Variants in RAPGEFL1 observed in about 807,000 individuals in gnomAD.
The protein encoded by RAPGEFL1 is Rap guanine nucleotide exchange factor like 1.
In RAPGEFL1, 31 loss-of-function variants were observed where a neutral mutation model predicts 64.4. The observed-to-expected ratio is 0.48, with a 90% CI of 0.36 to 0.65. RAPGEFL1 has a LOEUF of 0.65. Ranked by LOEUF, RAPGEFL1 falls within the 30% of genes least tolerant of loss-of-function variation. RAPGEFL1 has a pLI of 0.00. For missense variants in RAPGEFL1, 682 were observed against 677.4 expected, an observed-to-expected ratio of 1.01 and a Z score of -0.08; for synonymous variants, 331 against 274.1, an observed-to-expected ratio of 1.21 and a Z score of -2.05.
In RAPGEFL1 at chr17:40,184,280, G is replaced by T. The variant is rs971456968; in HGVS notation, c.666G>T (p.Met222Ile). ...GCCGGAAGCAAGCCTGTCTAGCCAT[G>T]CTTCTCCATTTCTTGGACACCTACC... Reference protein sequence around the residue: ...GLGRKQACLAMLLHFLDTYQG... With the variant: ...GLGRKQACLAILLHFLDTYQG... Residue 222 changes from methionine (M) to isoleucine (I), a missense_variant, in exon 3 of 15, where the codon ATG becomes ATT. Met to Ile is a conservative substitution (Grantham distance 10, BLOSUM62 1). Around this residue, in one of 2 missense-constraint regions of RAPGEFL1, gnomAD observed 271 missense variants for 158.0 expected, o/e 1.72. Transcript: ENST00000620260. The T allele has an allele frequency of 1.2e-6, 2 of 1,613,788 alleles. No individual in the cohort carries two copies. The highest frequency in any genetic ancestry group is 1.7e-6 in the Non-Finnish European group (2 of 1,179,960).
intron 11 of RAPGEFL1, 53 bp from the exon 12 acceptor site, chr17:40,192,553 T>G (rs1990312106): frequency 1.4e-6 from 2 of 1,458,122 alleles, no homozygotes; most frequent in African/African-American, 2.8e-5. Flanking sequence ...TGAGGACATC[T>G]TTGGGATGCA....
In RAPGEFL1 at chr17:40,177,851, C is replaced by CGG. The variant is rs371861120; in HGVS notation, c.-3_-2dup. On this transcript the variant is annotated 5_prime_UTR_variant, in exon 1 of 15. Coordinates refer to ENST00000620260, the MANE Select transcript of RAPGEFL1 (RefSeq NM_016339.6). ...CCCCCGGCGACCCCTAGGAGAGGGG[C>CGG]GGGGGGGGGCATGAAGCCGCTGGAG... is the stretch of plus-strand genomic sequence containing the variant. The CGG allele has an allele frequency of 1.7e-4, 69 of 412,802 alleles. No homozygotes were observed. Among genetic ancestry groups the CGG allele is most frequent in the African/African-American group, 9.9e-4 (47 of 47,430 alleles). 25.6% of individuals were successfully genotyped at this position (412,802 alleles called of 1,614,324 possible). A position where few individuals can be genotyped will look rare whatever the true frequency, so the allele number is the denominator to read the frequency against.
chr17:40,186,574 CAAAAAAAAAAAAAAAAAAAA>C (rs146110920), intron 4 of RAPGEFL1, among the ~76,000 whole-genome samples: 17 of 26,294 alleles, frequency 6.5e-4, no homozygotes, highest in South Asian at 8.1e-3. Flanking sequence ...GACTCCGTCT[CAAAAAAAAAAAAAAAAAAAA>C]AAAAAAAAAA....
At position 40,188,939 on chromosome 17, in the gene RAPGEFL1, T is replaced by C; in HGVS notation, c.907T>C (p.Cys303Arg). 6.2e-7 allele frequency: 1 copy of C among 1,614,198 alleles called. No homozygotes were observed. Among genetic ancestry groups the C allele is most frequent in the Non-Finnish European group, 8.5e-7 (1 of 1,180,038 alleles). ...CCGCCACTTCCGCCGGATAGACTCCTGTCTGCAGACCCGGGTGGCCTTCCG... is the reference window on the plus strand; with the variant it reads ...CCGCCACTTCCGCCGGATAGACTCCCGTCTGCAGACCCGGGTGGCCTTCCG... ...LFRHFRRIDS[C>R]LQTRVAFRGS... Residue 303 changes from cysteine (C) to arginine (R), a missense_variant, in exon 5 of 15, where the codon TGT (cysteine) becomes CGT (arginine). Physicochemically the swap from Cys to Arg is radical, Grantham distance 180. Transcript: ENST00000620260.
In RAPGEFL1 at chr17:40,181,634, T is replaced by C. The variant is rs1989897925; in HGVS notation, c.539T>C (p.Ile180Thr). The change falls in exon 2 of 15, where the codon ATT (isoleucine) becomes ACT (threonine). Residue 180 changes from isoleucine to threonine, a missense_variant. Physicochemically the swap from Ile to Thr is moderately conservative, Grantham distance 89. This residue lies in a region of RAPGEFL1 where 271 missense variants were observed against 158.0 expected (regional missense o/e 1.72). Coordinates refer to ENST00000620260, the MANE Select transcript of RAPGEFL1 (RefSeq NM_016339.6). ...TTTACAGATATCCTGCTGGATGACA[T>C]TGTCCTTACCCATTCTCTCTTCCTC... Reference protein sequence around the residue: ...SAASDILLDDIVLTHSLFLPT... With the variant: ...SAASDILLDDTVLTHSLFLPT... 1.4e-6 allele frequency: 1 copy of C among 702,744 alleles called. No homozygotes were observed. Among genetic ancestry groups the C allele is most frequent in the African/African-American group, 1.7e-5 (1 of 57,264 alleles). 43.5% of individuals were successfully genotyped at this position (702,744 alleles called of 1,614,324 possible). A position where few individuals can be genotyped will look rare whatever the true frequency, so the allele number is the denominator to read the frequency against.
In RAPGEFL1 at chr17:40,194,213, C is replaced by A. The variant is rs537236280; in HGVS notation, c.*425C>A. 4.4e-5 allele frequency: 9 copies of A among 205,426 alleles called. No homozygotes were observed. Among genetic ancestry groups the A allele is most frequent in the African/African-American group, 1.9e-4 (8 of 42,096 alleles). The allele number at this position is 205,426 out of a possible 1,614,324, so 12.7% of individuals were successfully genotyped here. ...CTTCTTCCTGGTCAGGGCTGGGACC[C>A]CCAGGAATATTATGTTGCCGTGTGT... On this transcript the variant is annotated 3_prime_UTR_variant, in exon 15 of 15. Coordinates refer to ENST00000620260, the MANE Select transcript of RAPGEFL1 (RefSeq NM_016339.6).
chr17:40,190,516 C>G lies in RAPGEFL1; in HGVS notation c.1197C>G (p.Asp399Glu), dbSNP rs1414128558. The change falls in exon 7 of 15, where the codon GAC becomes GAG. Residue 399 changes from aspartate to glutamate, a missense_variant. Physicochemically the swap from Asp to Glu is conservative, Grantham distance 45 (BLOSUM62 2). Around this residue, in one of 2 missense-constraint regions of RAPGEFL1, gnomAD observed 411 missense variants for 519.4 expected, o/e 0.79. Transcript: ENST00000620260. ...INSHLFACTR[D>E]SYEALVPLPE... Reference sequence around the variant, plus strand: ...GCCACCTGTTTGCCTGTACTCGGGACAGCTATGAGGCTCTGGTAAGAACTT... The same window carrying G: ...GCCACCTGTTTGCCTGTACTCGGGAGAGCTATGAGGCTCTGGTAAGAACTT... 1.2e-6 allele frequency: 2 copies of G among 1,614,058 alleles called. No homozygotes were observed. Among genetic ancestry groups the G allele is most frequent in the Admixed American group, 3.3e-5 (2 of 59,998 alleles).
rs1040046677 is a variant in RAPGEFL1, at chr17:40,193,308, G to A, written c.1810-55G>A. On this transcript the variant is annotated intron_variant, in intron 13 of 14. Coordinates refer to ENST00000620260, the MANE Select transcript of RAPGEFL1 (RefSeq NM_016339.6). ...GGAGAATGGCGGAGGGGGAGCATAA[G>A]AGGGGGAGCCTCTTTCTGTGCCCCT... 12 of 1,572,740 alleles carry A rather than the reference G, an allele frequency of 7.6e-6. No individual in the cohort carries two copies. In the South Asian group the frequency reaches 8.9e-5, roughly 12 times the overall value.
upstream of RAPGEFL1, chr17:40,177,454 G>GT: frequency 1.5e-6 from 1 of 646,562 alleles, no homozygotes; most frequent in South Asian, 1.7e-5. Flanking sequence ...GAGGGGGCGC[G>GT]GTCTCGGTTC....
At chr17:40,184,156 T>G in intron 2 of RAPGEFL1, 58 bp from the exon 3 acceptor site, 1 of 1,301,350 alleles carries the variant, frequency 7.7e-7, no homozygotes, top group Admixed American at 1.7e-5. Flanking sequence ...GCCTCCCATC[T>G]TTCTTCTCAA....
chr17:40,177,453 C>A, upstream of RAPGEFL1: 1 of 646,880 alleles, frequency 1.5e-6, no homozygotes, highest in Non-Finnish European at 2.8e-6. Flanking sequence ...GGAGGGGGCG[C>A]GGTCTCGGTT....
chr17:40,186,874 C>T (rs1159065696), intron 4 of RAPGEFL1, among the ~76,000 whole-genome samples: 1 of 128,088 alleles, frequency 7.8e-6, no homozygotes, highest in Non-Finnish European at 1.6e-5. Flanking sequence ...AGCCTGACAA[C>T]AGAGCAAGAC....
At chr17:40,189,087 C>T in intron 5 of RAPGEFL1, 109 bp downstream of exon 5, 1 of 1,462,884 alleles carries the variant, frequency 6.8e-7, no homozygotes. Flanking sequence ...GAACCAGCCC[C>T]TTTCACAGGA....
intron 4 of RAPGEFL1, chr17:40,188,568 A>G: frequency 2.5e-6 from 1 of 399,998 alleles, no homozygotes; most frequent in South Asian, 2.3e-5. Flanking sequence ...AGAAGAGATA[A>G]GAGGTGAACA....
chr17:40,192,256 A>C lies in RAPGEFL1; in HGVS notation c.1649A>C (p.Asn550Thr). ...KFKNLFRKFE[N>T]LTDPCRNHKS... is the part of the protein sequence containing the mutation. ...AAGAACTTGTTTCGCAAATTTGAGA[A>C]CCTGACGGTGAGTGGGTTTGGCTCT... The change falls in exon 11 of 15, where the codon AAC becomes ACC. Residue 550 changes from asparagine (N) to threonine (T), a missense_variant. Around this residue, in one of 2 missense-constraint regions of RAPGEFL1, gnomAD observed 411 missense variants for 519.4 expected, o/e 0.79. Transcript: ENST00000620260. 6.2e-7 allele frequency: 1 copy of C among 1,613,942 alleles called. No homozygotes were observed. The highest frequency in any genetic ancestry group is 2.2e-5 in the East Asian group (1 of 44,876).
intron 1 of RAPGEFL1, among the ~76,000 whole-genome samples, chr17:40,180,512 T>A (rs1363795183): frequency 1.3e-5 from 2 of 152,076 alleles, no homozygotes; most frequent in Non-Finnish European, 2.9e-5. Flanking sequence ...CTTACAGAAG[T>A]TACTCTGAAC....
chr17:40,177,478 C>A lies in RAPGEFL1; in HGVS notation c.-384C>A, dbSNP rs1019945321. 3 of 630,494 alleles carry A rather than the reference C, an allele frequency of 4.8e-6. No homozygotes were observed. Among genetic ancestry groups the A allele is most frequent in the Admixed American group, 2.5e-5 (1 of 40,408 alleles). 39.1% of individuals were successfully genotyped at this position (630,494 alleles called of 1,614,324 possible). ...CGGTCTCGGTTCTGCCACCTTCCCC[C>A]TCTTCACGGCCAGGAGCGCAGCCGC... is the stretch of plus-strand genomic sequence containing the variant. On this transcript the variant is annotated 5_prime_UTR_variant, in exon 1 of 15. Coordinates refer to ENST00000620260, the MANE Select transcript of RAPGEFL1 (RefSeq NM_016339.6).
rs1990097602 is a variant in RAPGEFL1, at chr17:40,186,909, AAG to A, written c.834-1956_834-1955del. Among the ~76,000 whole-genome samples the A allele has an allele frequency of 2.6e-5, 4 of 151,600 alleles. 1 individual carries two copies. Among genetic ancestry groups the A allele is most frequent in the African/African-American group, 7.3e-5 (3 of 41,358 alleles). On this transcript the variant is annotated intron_variant, in intron 4 of 14. Transcript: ENST00000620260. The stretch of plus-strand genomic sequence containing the variant: ...CTCTGTCTCAAAAAAAAAAAAAAAA[AAG>A]TAGTGAAAACAGGAAGGAAACTGTT...
At position 40,177,498 on chromosome 17, in the gene RAPGEFL1, AGCCGCCGCC is replaced by A. The variant is rs566747235; in HGVS notation, c.-349_-341del. ...TCCCCCTCTTCACGGCCAGGAGCGC[AGCCGCCGCC>A]GCCGCCGCCGCCGCGTCCTCTCAGC... On this transcript the variant is annotated 5_prime_UTR_variant, in exon 1 of 15. Coordinates refer to ENST00000620260, the MANE Select transcript of RAPGEFL1 (RefSeq NM_016339.6). 3,830 of 594,416 alleles carry A rather than the reference AGCCGCCGCC, an allele frequency of 6.4e-3. 140 individuals are homozygous for A. The highest frequency in any genetic ancestry group is 0.063 in the African/African-American group (3,320 of 52,486). 36.8% of individuals were successfully genotyped at this position (594,416 alleles called of 1,614,324 possible). A position where few individuals can be genotyped will look rare whatever the true frequency, so the allele number is the denominator to read the frequency against.
Sources: allele counts gnomAD v4.1 joint callset (sites outside exome capture counted in the v4.1 genomes callset), GRCh38; gene constraint gnomAD v4.1.1; regional missense constraint gnomAD v4.1.1; transcripts MANE v1.5; gene names NCBI Gene and HGNC (gene_info 2026-07-23, HGNC 2026-07-21).